The following YWHAQ variants were observed in gnomAD, a reference collection of about 807,000 sequenced individuals.
The protein encoded by YWHAQ is 14-3-3 protein theta.
YWHAQ carries 6 observed loss-of-function variants against 28.3 expected under a neutral mutation model. That is an observed-to-expected ratio of 0.21 (90% CI 0.12 to 0.42). The LOEUF is 0.42. Among genes scored for constraint, YWHAQ ranks in the 10% least tolerant of loss-of-function variants. The pLI is 1.00. For synonymous variants in YWHAQ, 143 were observed against 119.1 expected (o/e 1.20, Z -1.31); for missense variants, 201 against 305.6 (o/e 0.66, Z 2.55).
At chr2:9,628,508 G>A (rs772856262) in intron 2 of YWHAQ, among the ~76,000 whole-genome samples, 3 of 152,166 alleles carry the variant, frequency 2.0e-5, no homozygotes, top group African/African-American at 7.2e-5. Context: ...AAAATCACGC[G>A]GTGATTCTGA....
chr2:9,602,853 A>ATG (rs1666734293), intron 2 of YWHAQ, among the ~76,000 whole-genome samples: 2 of 15,578 alleles, frequency 1.3e-4, no homozygotes, highest in South Asian at 4.2e-3. Flanking sequence ...AAAAAAAAAA[A>ATG]AAAAAAAAAA....
At chr2:9,589,346 G>C (rs1666410613) in intron 3 of YWHAQ, among the ~76,000 whole-genome samples, 1 of 152,128 alleles carries the variant, frequency 6.6e-6, no homozygotes, top group South Asian at 2.1e-4. Context: ...CACTTTGGGA[G>C]GCTGAGGCAG....
Position 9,630,441 on chromosome 2 carries a change from A to G in YWHAQ, c.12T>C (p.Thr4=). The change falls in exon 2 of 6, where the codon ACT becomes ACC. Residue 4 remains threonine, a synonymous_variant. Transcript: ENST00000238081. This position sits in a 1 kb window ranked among gnomAD's most constrained non-coding sequence, Gnocchi z 5.6. ...CCAGCTTGGCCTTCTGGATCAGCTC[A>G]GTCTTCTCCATGGCGGGCGCGGGGC... MEK[T]ELIQKAKLAE... 1.2e-6 allele frequency: 2 copies of G among 1,607,788 alleles called. No individual in the cohort carries two copies. Among genetic ancestry groups the G allele is most frequent in the South Asian group, 2.2e-5 (2 of 90,978 alleles).
intron 2 of YWHAQ, among the ~76,000 whole-genome samples, chr2:9,615,743 G>T (rs1667029450): frequency 6.6e-6 from 1 of 152,136 alleles, no homozygotes; most frequent in Non-Finnish European, 1.5e-5. Context: ...TTCAGAGAAA[G>T]GAGAGATGAT....
intron 2 of YWHAQ, among the ~76,000 whole-genome samples, chr2:9,626,885 A>C (rs902026760): frequency 6.6e-6 from 1 of 152,222 alleles, no homozygotes; most frequent in East Asian, 1.9e-4. Flanking sequence ...AAAACTACTC[A>C]TTTAAGAGGT....
chr2:9,619,756 T>C (rs979213554), intron 2 of YWHAQ, among the ~76,000 whole-genome samples: 8 of 152,172 alleles, frequency 5.3e-5, no homozygotes, highest in African/African-American at 1.9e-4. Flanking sequence ...CAACCTCTTA[T>C]CCATCAGAAT....
chr2:9,592,242 AG>A (rs1291693720), intron 2 of YWHAQ, among the ~76,000 whole-genome samples: 1 of 152,220 alleles, frequency 6.6e-6, no homozygotes, highest in Non-Finnish European at 1.5e-5. Flanking sequence ...GAATAATTTT[AG>A]GTCTACGAAA....
intron 3 of YWHAQ, 145 bp downstream of exon 3, chr2:9,591,247 C>T (rs985568662): frequency 5.9e-6 from 6 of 1,010,800 alleles, no homozygotes; most frequent in South Asian, 2.5e-5. Context: ...TTTTTGAGAA[C>T]ATAAGGTAAT....
At chr2:9,587,866 A>C (rs1259802295) in intron 4 of YWHAQ, among the ~76,000 whole-genome samples, 1 of 152,202 alleles carries the variant, frequency 6.6e-6, no homozygotes, top group African/African-American at 2.4e-5. Flanking sequence ...CTATTCTAGT[A>C]ACCAAACCTG....
At chr2:9,594,839 T>C (rs757490780) in intron 2 of YWHAQ, among the ~76,000 whole-genome samples, 6 of 152,232 alleles carry the variant, frequency 3.9e-5, no homozygotes, top group Non-Finnish European at 8.8e-5. Context: ...ATTTCCATTC[T>C]AGCACTAGTC....
intron 2 of YWHAQ, among the ~76,000 whole-genome samples, chr2:9,594,712 G>A (rs1430068675): frequency 6.6e-6 from 1 of 152,188 alleles, no homozygotes; most frequent in Non-Finnish European, 1.5e-5. Context: ...CACAAAAAAA[G>A]CTACTCAGTA....
At position 9,608,377 on chromosome 2, in the gene YWHAQ, CTT is replaced by C. The variant is rs1168518924; in HGVS notation, c.295-16864_295-16863del. Among the ~76,000 whole-genome samples, 3 of 152,236 alleles carry C rather than the reference CTT, an allele frequency of 2.0e-5. No homozygotes were observed. The East Asian group carries it at 5.8e-4, about 29-fold the overall frequency. ...GAGGAGGGTGAGGACCCTAGAAAAA[CTT>C]TGTCATCGCTGAGAAGTAGCCAGAA... On this transcript the variant is annotated intron_variant, in intron 2 of 5. Coordinates refer to ENST00000238081, the MANE Select transcript of YWHAQ (RefSeq NM_006826.4).
At chr2:9,603,996 AG>A (rs1301761928) in intron 2 of YWHAQ, among the ~76,000 whole-genome samples, 1 of 152,106 alleles carries the variant, frequency 6.6e-6, no homozygotes, top group Non-Finnish European at 1.5e-5. Flanking sequence ...GGCCTCAGAT[AG>A]CTCCTCTAAG....
chr2:9,602,862 AATATATAT>A (rs71413909), intron 2 of YWHAQ, among the ~76,000 whole-genome samples: 149 of 20,768 alleles, frequency 7.2e-3, no homozygotes, highest in South Asian at 0.024. Context: ...AAAAAAAAAA[AATATATAT>A]ATATATATAT....
chr2:9,596,194 G>T (rs961123220), intron 2 of YWHAQ, among the ~76,000 whole-genome samples: 1 of 151,950 alleles, frequency 6.6e-6, no homozygotes, highest in Non-Finnish European at 1.5e-5. Context: ...ATTTAGAACA[G>T]TAACTATTCC....
chr2:9,630,102 T>G lies in YWHAQ; in HGVS notation c.294+57A>C. The stretch of plus-strand genomic sequence containing the variant: ...ACGTTTGTTTCCGTGCCCGCGAAAC[T>G]CTCAATGAAAAGCATCTCACAAAAG... On this transcript the variant is annotated intron_variant, in intron 2 of 5. Transcript: ENST00000238081. This position sits in a 1 kb window ranked among gnomAD's most constrained non-coding sequence, Gnocchi z 5.6. The G allele has an allele frequency of 6.4e-7, 1 of 1,562,168 alleles. No individual in the cohort carries two copies. Among genetic ancestry groups the G allele is most frequent in the East Asian group, 2.3e-5 (1 of 44,294 alleles).
chr2:9,625,024 G>A (rs927696285), intron 2 of YWHAQ, among the ~76,000 whole-genome samples: 4 of 151,888 alleles, frequency 2.6e-5, no homozygotes, highest in South Asian at 2.1e-4. Context: ...GATTACAGGC[G>A]TGAGCCACCA....
At chr2:9,624,340 C>T (rs773961587) in intron 2 of YWHAQ, among the ~76,000 whole-genome samples, 1 of 152,132 alleles carries the variant, frequency 6.6e-6, no homozygotes, top group African/African-American at 2.4e-5. Context: ...AGAGTTTGAA[C>T]AGCATACACA....
At position 9,599,676 on chromosome 2, in the gene YWHAQ, G is replaced by GA. The variant is rs936501173; in HGVS notation, c.295-8162dup. The stretch of plus-strand genomic sequence containing the variant: ...GTCCATTGTTGAGACCTACTGCTCA[G>GA]AAAAAAAAGATTCCTTTCAAATTAT... On this transcript the variant is annotated intron_variant, in intron 2 of 5. Transcript: ENST00000238081. 2.6e-4 allele frequency among the ~76,000 whole-genome samples: 39 copies of GA among 152,020 alleles called. No homozygotes were observed. The Middle Eastern group carries it at 0.01, about 40-fold the overall frequency.
Sources: gnomAD v4.1 joint callset for allele counts (sites outside exome capture counted in the v4.1 genomes callset) on GRCh38, gnomAD v4.1.1 for gene constraint, Gnocchi (gnomAD v3.1) non-coding constraint, MANE v1.5 for transcripts, NCBI Gene and HGNC (gene_info 2026-07-23, HGNC 2026-07-21) for gene names.